MS4A14: variants seen among roughly 807,000 people sequenced by gnomAD.
MS4A14 encodes the protein membrane spanning 4-domains A14.
A neutral mutation model predicts 16.7 loss-of-function variants in MS4A14; 18 were observed. The observed-to-expected ratio is 1.08, with a 90% CI of 0.75 to 1.60. The LOEUF (loss-of-function observed/expected upper bound fraction) is 1.60, where lower values mean the gene tolerates loss of function less well. MS4A14 is among the 40% of genes most tolerant of loss of function. The pLI is 0.00. For missense variants in MS4A14, 812 were observed against 775.3 expected, an observed-to-expected ratio of 1.05 and a Z score of -0.56; for synonymous variants, 305 against 289.4, an observed-to-expected ratio of 1.05 and a Z score of -0.55.
intron 4 of MS4A14, among the ~76,000 whole-genome samples, chr11:60,407,986 C>A (rs2085812414): frequency 6.6e-6 from 1 of 152,072 alleles, no homozygotes; most frequent in Non-Finnish European, 1.5e-5. Context: ...AGGTTTTCTT[C>A]TATCTTTTCC....
At chr11:60,413,761 G>C (rs1022461683) in intron 4 of MS4A14, among the ~76,000 whole-genome samples, 3 of 152,052 alleles carry the variant, frequency 2.0e-5, no homozygotes, top group Admixed American at 2.0e-4. Context: ...AAAAGGAAAG[G>C]GAAAGTGAAC....
At chr11:60,400,900 A>G (rs932961277) in intron 3 of MS4A14, among the ~76,000 whole-genome samples, 2 of 152,210 alleles carry the variant, frequency 1.3e-5, no homozygotes, top group South Asian at 2.1e-4. Flanking sequence ...AAAAATGTTT[A>G]TAGTACCAAG....
rs147267904 is a variant in MS4A14, at chr11:60,409,224, G to A, written c.468+6163G>A. 3.0e-3 allele frequency among the ~76,000 whole-genome samples: 451 copies of A among 152,204 alleles called. 1 individual carries two copies. The highest frequency in any genetic ancestry group is 9.9e-3 in the African/African-American group (411 of 41,520). ...TAATTTGCTATAGTCATGCTACTAA[G>A]TATAGAACTTATTCTTACTATCTAT... On this transcript the variant is annotated intron_variant, in intron 4 of 4. Transcript: ENST00000300187.
intron 4 of MS4A14, among the ~76,000 whole-genome samples, chr11:60,408,578 C>T (rs2085822443): frequency 6.6e-6 from 1 of 152,094 alleles, no homozygotes; most frequent in South Asian, 2.1e-4. Context: ...CTCTAACTGG[C>T]TTATTTGAGT....
chr11:60,398,955 T>C (rs79033271), intron 2 of MS4A14, among the ~76,000 whole-genome samples: 1,662 of 152,346 alleles, frequency 0.011, 28 homozygotes, highest in African/African-American at 0.038. Flanking sequence ...TGACTTTGTG[T>C]ACTCTGCATG....
rs769463447 is a variant in MS4A14 at position 60,416,215 on chromosome 11, T to C, written c.1247T>C (p.Leu416Ser). The change falls in exon 5 of 5, where the codon TTA becomes TCA. Residue 416 changes from leucine to serine, a missense_variant. Physicochemically the swap from Leu to Ser is moderately radical, Grantham distance 145. Transcript: ENST00000300187. ...LSQALSAHAI[L>S]PEASTSHIVQ... ...CAAGCTCTATCAGCGCATGCCATAT[T>C]ACCTGAAGCCTCAACATCCCATATT... The C allele has an allele frequency of 1.2e-6, 2 of 1,613,910 alleles. No homozygotes were observed. The highest frequency in any genetic ancestry group is 1.7e-6 in the Non-Finnish European group (2 of 1,179,926).
At chr11:60,412,660 A>G (rs1269112034) in intron 4 of MS4A14, among the ~76,000 whole-genome samples, 1 of 151,660 alleles carries the variant, frequency 6.6e-6, no homozygotes. Flanking sequence ...AATTTTGTTG[A>G]TCTTTTAAAA....
At chr11:60,412,643 G>A (rs2085884393) in intron 4 of MS4A14, among the ~76,000 whole-genome samples, 1 of 151,698 alleles carries the variant, frequency 6.6e-6, no homozygotes. Context: ...ATAGGTAAAG[G>A]TTTATCAATT....
At chr11:60,401,790 AG>A (rs2085717616) in intron 3 of MS4A14, among the ~76,000 whole-genome samples, 2 of 152,218 alleles carry the variant, frequency 1.3e-5, no homozygotes, top group Non-Finnish European at 2.9e-5. Context: ...TAGAGCCTTG[AG>A]AAAACAAGGG....
intron 4 of MS4A14, among the ~76,000 whole-genome samples, chr11:60,411,192 G>T (rs2085864918): frequency 6.6e-6 from 1 of 152,112 alleles, no homozygotes; most frequent in Non-Finnish European, 1.5e-5. Context: ...TTCAAAGTTG[G>T]AAAGTATAAT....
intron 4 of MS4A14, among the ~76,000 whole-genome samples, chr11:60,406,348 C>A (rs1191901828): frequency 6.6e-6 from 1 of 152,072 alleles, no homozygotes; most frequent in East Asian, 1.9e-4. Context: ...AGTTCCACCA[C>A]CACAAAAGAA....
At chr11:60,414,182 C>T (rs1386051368) in intron 4 of MS4A14, among the ~76,000 whole-genome samples, 1 of 152,024 alleles carries the variant, frequency 6.6e-6, no homozygotes, top group African/African-American at 2.4e-5. Flanking sequence ...TTATTTCTTC[C>T]AAACCTCTTT....
chr11:60,411,413 T>C (rs140098036), intron 4 of MS4A14, among the ~76,000 whole-genome samples: 2 of 152,370 alleles, frequency 1.3e-5, no homozygotes, highest in East Asian at 1.9e-4. Context: ...AGATGTCTTT[T>C]CATTTATTTA....
chr11:60,406,063 C>A, intron 4 of MS4A14: 1 of 912,196 alleles, frequency 1.1e-6, no homozygotes, highest in Non-Finnish European at 1.5e-6. Context: ...ACAATGATGT[C>A]TGATTTATTA....
At chr11:60,411,636 T>C (rs1247689865) in intron 4 of MS4A14, among the ~76,000 whole-genome samples, 1 of 152,202 alleles carries the variant, frequency 6.6e-6, no homozygotes, top group Non-Finnish European at 1.5e-5. Flanking sequence ...CTTGTTGCAA[T>C]CCTGTATTAG....
intron 2 of MS4A14, among the ~76,000 whole-genome samples, chr11:60,398,676 A>G (rs142301623): frequency 8.2e-4 from 125 of 152,314 alleles, no homozygotes; most frequent in African/African-American, 2.9e-3. Flanking sequence ...GAATGAATCA[A>G]TCAATCAATC....
intron 1 of MS4A14, among the ~76,000 whole-genome samples, chr11:60,397,111 G>A (rs890781690): frequency 4.6e-5 from 7 of 152,142 alleles, no homozygotes; most frequent in African/African-American, 1.4e-4. Flanking sequence ...TGCACCCAGG[G>A]GAGAGCTGTA....
At position 60,415,918 on chromosome 11, in the gene MS4A14, C is replaced by T; in HGVS notation, c.950C>T (p.Pro317Leu). The T allele has an allele frequency of 1.9e-6, 3 of 1,613,946 alleles. No individual in the cohort carries two copies. The highest frequency in any genetic ancestry group is 2.5e-6 in the Non-Finnish European group (3 of 1,179,926). ...HSALKLEDIS[P>L]EDLPSQALPV... ...GCACTAAAACTCGAAGATATATCAC[C>T]TGAAGACTTGCCATCCCAAGCTCTA... The change falls in exon 5 of 5, where the codon CCT becomes CTT. Residue 317 changes from proline (P) to leucine (L), a missense_variant. By Grantham distance (98) the Pro-to-Leu change is moderately conservative. Coordinates refer to ENST00000300187, the MANE Select transcript of MS4A14 (RefSeq NM_032597.5).
intron 4 of MS4A14, among the ~76,000 whole-genome samples, chr11:60,410,710 A>G (rs1394584576): frequency 6.6e-6 from 1 of 152,104 alleles, no homozygotes; most frequent in African/African-American, 2.4e-5. Flanking sequence ...TCCCCATTGA[A>G]TATTCTTGGT....
Sources: gnomAD v4.1 joint callset for allele counts (sites outside exome capture counted in the v4.1 genomes callset) on GRCh38, gnomAD v4.1.1 for gene constraint, MANE v1.5 for transcripts, NCBI Gene and HGNC (gene_info 2026-07-23, HGNC 2026-07-21) for gene names.